RUFY2: variants seen among roughly 807,000 people sequenced by gnomAD.
The protein encoded by RUFY2 is RUN and FYVE domain containing 2.
Under a neutral mutation model 94.4 loss-of-function variants are expected in RUFY2, and 49 were observed. That is an observed-to-expected ratio of 0.52 (90% CI 0.41 to 0.66). The LOEUF (loss-of-function observed/expected upper bound fraction) is 0.66, where lower values mean the gene tolerates loss of function less well. Among genes scored for constraint, RUFY2 ranks in the 30% least tolerant of loss-of-function variants. The probability of loss-of-function intolerance (pLI) is 0.00; values close to 1 mark genes in which losing one functional copy is unlikely to be tolerated. For synonymous variants in RUFY2, 255 were observed against 235.7 expected (o/e 1.08, Z -0.75); for missense variants, 541 against 692.8 (o/e 0.78, Z 2.46).
At chr10:68,378,505 T>C (rs891566220) in intron 12 of RUFY2, 2 of 1,431,042 alleles carry the variant, frequency 1.4e-6, no homozygotes, top group East Asian at 2.6e-5. Context: ...TTCTATTTAA[T>C]ATATTATAAA....
chr10:68,349,524 A>T lies in RUFY2; in HGVS notation c.1600-3440T>A, dbSNP rs554744377. 5.3e-5 allele frequency among the ~76,000 whole-genome samples: 8 copies of T among 151,268 alleles called. No individual in the cohort carries two copies. The East Asian group carries it at 9.7e-4, about 18-fold the overall frequency. The stretch of plus-strand genomic sequence containing the variant: ...CAACAGAGACACTGTCTCTAAAAAA[A>T]TTTTTTTTTAAAGAAAAAAAAATTT... On this transcript the variant is annotated intron_variant, in intron 16 of 17. Transcript: ENST00000602465.
At chr10:68,371,826 A>G (rs2132614937) in intron 13 of RUFY2, among the ~76,000 whole-genome samples, 1 of 152,316 alleles carries the variant, frequency 6.6e-6, no homozygotes, top group African/African-American at 2.4e-5. Flanking sequence ...GAGAAACAAC[A>G]ATTCAAATGA....
chr10:68,400,623 C>T (rs2050755091), intron 3 of RUFY2, among the ~76,000 whole-genome samples: 1 of 151,246 alleles, frequency 6.6e-6, no homozygotes. Flanking sequence ...TTGCAGTGAG[C>T]TGAAATCGCA....
rs183557839 is a variant in RUFY2 at position 68,360,731 on chromosome 10, G to C, written c.1550+2859C>G. ...CCACTGCACTCCAGCCTGGGCGACA[G>C]AGCGAGACTCCATCTCAAAAAACGA... On this transcript the variant is annotated intron_variant, in intron 15 of 17. Transcript: ENST00000602465. 5.9e-3 allele frequency among the ~76,000 whole-genome samples: 898 copies of C among 151,574 alleles called. 16 individuals carry two copies. Among genetic ancestry groups the C allele is most frequent in the African/African-American group, 0.021 (861 of 41,322 alleles).
At position 68,400,780 on chromosome 10, in the gene RUFY2, A is replaced by AG. The variant is rs540106420; in HGVS notation, c.296+839dup. Among the ~76,000 whole-genome samples the AG allele has an allele frequency of 1.9e-3, 282 of 152,228 alleles. 2 individuals carry two copies. The highest frequency in any genetic ancestry group is 6.4e-3 in the African/African-American group (266 of 41,542). On this transcript the variant is annotated intron_variant, in intron 3 of 17. Coordinates refer to ENST00000602465, the MANE Select transcript of RUFY2 (RefSeq NM_001330103.2). ...GTAATCCCAGCACTTTAGGAGGCTG[A>AG]GGCAGGCGGATCACGAGGTCAGGAG...
At position 68,394,468 on chromosome 10, in the gene RUFY2, A is replaced by C. The variant is rs1170427455; in HGVS notation, c.399-17T>G. ...TAAAACTCACTGTGAAAATTTAAAAAATAAGGACTTTAAATCACAAATTTA... is the reference window on the plus strand; with the variant it reads ...TAAAACTCACTGTGAAAATTTAAAACATAAGGACTTTAAATCACAAATTTA... On this transcript the variant is annotated splice_polypyrimidine_tract_variant and intron_variant, in intron 4 of 17. Coordinates refer to ENST00000602465, the MANE Select transcript of RUFY2 (RefSeq NM_001330103.2). 8.9e-6 allele frequency: 14 copies of C among 1,574,560 alleles called. No individual in the cohort carries two copies. Among genetic ancestry groups the C allele is most frequent in the Non-Finnish European group, 1.2e-5 (14 of 1,144,944 alleles).
chr10:68,363,427 G>C (rs112024116), intron 15 of RUFY2, among the ~76,000 whole-genome samples, 163 bp downstream of exon 15: 60 of 152,086 alleles, frequency 3.9e-4, no homozygotes, highest in African/African-American at 1.4e-3. Context: ...CACCCGCCTC[G>C]GCCAGGAATT....
chr10:68,371,816 G>A (rs1252101842), intron 13 of RUFY2, among the ~76,000 whole-genome samples: 2 of 152,084 alleles, frequency 1.3e-5, no homozygotes, highest in African/African-American at 4.8e-5. Flanking sequence ...AACACCTAAA[G>A]AGAAACAACA....
chr10:68,377,144 G>A, intron 12 of RUFY2, 172 bp from the exon 13 acceptor site: 1 of 1,451,668 alleles, frequency 6.9e-7, no homozygotes, highest in African/African-American at 1.4e-5. Flanking sequence ...ATGTCTAGAA[G>A]TTGTTTTGTG....
intron 2 of RUFY2, among the ~76,000 whole-genome samples, chr10:68,404,207 A>T (rs1478462147): frequency 2.6e-5 from 4 of 152,234 alleles, no homozygotes; most frequent in Non-Finnish European, 5.9e-5. Context: ...TGCTGTTATC[A>T]TCTTCAGGGA....
At chr10:68,361,892 G>A (rs1027897583) in intron 15 of RUFY2, among the ~76,000 whole-genome samples, 2 of 152,194 alleles carry the variant, frequency 1.3e-5, no homozygotes, top group African/African-American at 4.8e-5. Flanking sequence ...TTAATACTTG[G>A]GAGAAGGGAA....
chr10:68,407,068 G>T, intron 1 of RUFY2, 118 bp downstream of exon 1: 4 of 1,475,722 alleles, frequency 2.7e-6, no homozygotes, highest in Non-Finnish European at 3.6e-6. Context: ...CTGGGTTCGG[G>T]CCCCAGTTCC....
chr10:68,366,237 G>C (rs2047801224), intron 13 of RUFY2, among the ~76,000 whole-genome samples: 1 of 142,490 alleles, frequency 7.0e-6, no homozygotes, highest in African/African-American at 2.6e-5. Flanking sequence ...GGCTGAGGCA[G>C]AAGAATTGCT....
intron 15 of RUFY2, among the ~76,000 whole-genome samples, chr10:68,361,807 T>C (rs914763378): frequency 3.3e-5 from 5 of 152,252 alleles, no homozygotes; most frequent in African/African-American, 1.2e-4. Context: ...CATATGTCCA[T>C]ATAACTAATT....
intron 13 of RUFY2, among the ~76,000 whole-genome samples, chr10:68,374,801 T>C (rs1251833613): frequency 6.6e-6 from 1 of 152,198 alleles, no homozygotes; most frequent in East Asian, 1.9e-4. Context: ...TTTCTTTTAA[T>C]AACAGAATTG....
intron 7 of RUFY2, among the ~76,000 whole-genome samples, chr10:68,386,999 T>C (rs888897369): frequency 4.6e-5 from 7 of 152,178 alleles, no homozygotes; most frequent in Admixed American, 2.0e-4. Context: ...GGTCAGATTA[T>C]ACCAGATGAA....
chr10:68,376,488 A>ATATATT (rs1275850022), intron 13 of RUFY2, among the ~76,000 whole-genome samples: 5 of 22,500 alleles, frequency 2.2e-4, no homozygotes, highest in Non-Finnish European at 5.9e-4. Flanking sequence ...ATATATATAT[A>ATATATT]TATTCTCAGA....
intron 15 of RUFY2, among the ~76,000 whole-genome samples, chr10:68,361,055 G>A (rs753321508): frequency 8.5e-5 from 13 of 152,128 alleles, no homozygotes; most frequent in Non-Finnish European, 1.8e-4. Context: ...GCCAAGGCAG[G>A]CAGATCACCT....
intron 4 of RUFY2, among the ~76,000 whole-genome samples, 189 bp from the exon 5 acceptor site, chr10:68,394,640 T>A (rs1183692854): frequency 6.6e-6 from 1 of 151,782 alleles, no homozygotes; most frequent in African/African-American, 2.4e-5. Flanking sequence ...TATTAATTTT[T>A]TTTTTTTGAG....
Sources: gnomAD v4.1 joint callset for allele counts (sites outside exome capture counted in the v4.1 genomes callset) on GRCh38, gnomAD v4.1.1 for gene constraint, MANE v1.5 for transcripts, NCBI Gene and HGNC (gene_info 2026-07-23, HGNC 2026-07-21) for gene names.